Variants in STK32B observed in about 807,000 individuals in gnomAD.
STK32B encodes serine/threonine kinase 32B.
In STK32B, 43 loss-of-function variants were observed where a neutral mutation model predicts 52.6. The observed-to-expected ratio is 0.82, with a 90% CI of 0.64 to 1.05. The LOEUF is 1.05. Ranked by LOEUF, STK32B falls within the 50% of genes least tolerant of loss-of-function variation. The pLI, the probability that STK32B is intolerant of heterozygous loss-of-function variation, is 0.00. For missense variants in STK32B, 621 were observed against 534.6 expected (o/e 1.16, Z -1.59); for synonymous variants, 238 against 204.3 (o/e 1.17, Z -1.41).
At position 5,347,171 on chromosome 4, in the gene STK32B, G is replaced by C. The variant is rs74349389; in HGVS notation, c.434+15778G>C. On this transcript the variant is annotated intron_variant, in intron 4 of 11. Transcript: ENST00000282908. Reference sequence around the variant, plus strand: ...CCATAAAAAGTGTTCACCAAATGCAGCTCATTTGTCTTGGGGAGCTGGAAA... The same window carrying C: ...CCATAAAAAGTGTTCACCAAATGCACCTCATTTGTCTTGGGGAGCTGGAAA... Among the ~76,000 whole-genome samples the C allele has an allele frequency of 3.4e-3, 520 of 152,264 alleles. 3 individuals are homozygous for C. Among genetic ancestry groups the C allele is most frequent in the African/African-American group, 0.012 (490 of 41,546 alleles).
intron 7 of STK32B, among the ~76,000 whole-genome samples, chr4:5,448,220 A>G (rs1242096701): frequency 6.6e-6 from 1 of 152,246 alleles, no homozygotes; most frequent in East Asian, 1.9e-4. Context: ...CATTCTTAGA[A>G]TTCAAAGAAA....
At chr4:5,269,789 G>C (rs148730208) in intron 3 of STK32B, among the ~76,000 whole-genome samples, 153 of 151,718 alleles carry the variant, frequency 1.0e-3, no homozygotes, top group African/African-American at 3.6e-3. Context: ...GATTCTATGA[G>C]TCTAACATTA....
intron 6 of STK32B, among the ~76,000 whole-genome samples, chr4:5,437,207 C>G (rs1577495176): frequency 6.6e-6 from 1 of 152,226 alleles, no homozygotes; most frequent in Non-Finnish European, 1.5e-5. Context: ...AGTTCCTTAC[C>G]CCTTGTATTC....
At chr4:5,167,238 G>A (rs1718947999) in intron 2 of STK32B, among the ~76,000 whole-genome samples, 1 of 152,136 alleles carries the variant, frequency 6.6e-6, no homozygotes, top group Admixed American at 6.5e-5. Context: ...AGAAGTCCAG[G>A]CCTCATGGAT....
At chr4:5,102,554 G>A (rs1024795199) in intron 1 of STK32B, among the ~76,000 whole-genome samples, 1 of 128,544 alleles carries the variant, frequency 7.8e-6, no homozygotes, top group Non-Finnish European at 1.6e-5. Context: ...TCTTTTTGAT[G>A]AGTCTTGCCC....
intron 3 of STK32B, among the ~76,000 whole-genome samples, chr4:5,242,556 T>A (rs1453722867): frequency 6.6e-6 from 1 of 152,226 alleles, no homozygotes; most frequent in Non-Finnish European, 1.5e-5. Context: ...TGGTTTCTTT[T>A]GCTGTGCAGA....
At chr4:5,027,854 G>T in the STK32B span, among the ~76,000 whole-genome samples, 131 of 152,268 alleles carry the variant, frequency 8.6e-4, no homozygotes, top group Admixed American at 2.6e-3. Context: ...TTGCTCTGGA[G>T]TGTGCAAGAC....
intron 6 of STK32B, among the ~76,000 whole-genome samples, chr4:5,424,301 A>C (rs2109081773): frequency 6.6e-6 from 1 of 152,312 alleles, no homozygotes; most frequent in Non-Finnish European, 1.5e-5. Context: ...CAGGAGGCAG[A>C]CAGGCTACTA....
intron 2 of STK32B, among the ~76,000 whole-genome samples, chr4:5,142,181 G>A (rs1716519692): frequency 6.6e-6 from 1 of 152,184 alleles, no homozygotes; most frequent in African/African-American, 2.4e-5. Flanking sequence ...AGTTGAGTAA[G>A]AAGTGATCCC....
intron 3 of STK32B, among the ~76,000 whole-genome samples, chr4:5,197,168 A>C (rs989213956): frequency 6.6e-6 from 1 of 152,322 alleles, no homozygotes. Flanking sequence ...ATAGGGAGTG[A>C]TGGAGACTGT....
intron 2 of STK32B, among the ~76,000 whole-genome samples, chr4:5,161,951 C>CT (rs1380931006): frequency 6.6e-6 from 1 of 151,918 alleles, no homozygotes; most frequent in Non-Finnish European, 1.5e-5. Flanking sequence ...TTACTGAGTG[C>CT]TTCTCAAGCT....
intron 3 of STK32B, among the ~76,000 whole-genome samples, chr4:5,183,642 C>T (rs1023273697): frequency 2.2e-4 from 34 of 152,240 alleles, no homozygotes; most frequent in African/African-American, 7.0e-4. Flanking sequence ...TTATTAAGTT[C>T]GCCTCCTTAT....
intron 3 of STK32B, among the ~76,000 whole-genome samples, chr4:5,267,859 T>G (rs1727155245): frequency 6.6e-6 from 1 of 152,202 alleles, no homozygotes; most frequent in South Asian, 2.1e-4. Flanking sequence ...GTTCCTCAGC[T>G]CCACCATCTC....
chr4:5,459,283 C>CG (rs68184903), intron 8 of STK32B, among the ~76,000 whole-genome samples: 3 of 12,176 alleles, frequency 2.5e-4, no homozygotes, highest in Admixed American at 8.8e-4. Flanking sequence ...CCCTGGTGTG[C>CG]CCCCCCCCCC....
chr4:5,157,593 A>C (rs1299444301), intron 2 of STK32B, among the ~76,000 whole-genome samples: 2 of 152,196 alleles, frequency 1.3e-5, no homozygotes, highest in African/African-American at 4.8e-5. Context: ...CCAAAAGAGC[A>C]CCAGATGCAA....
chr4:5,075,080 C>A (rs551101852), intron 1 of STK32B, among the ~76,000 whole-genome samples: 2 of 152,234 alleles, frequency 1.3e-5, no homozygotes, highest in African/African-American at 4.8e-5. Context: ...CCAGGGATTT[C>A]AGGGGAGCTT....
Position 5,139,902 on chromosome 4 carries a change from C to A in STK32B, c.53-3C>A, listed in dbSNP as rs1478436301. Reference sequence around the variant, plus strand: ...TTGTTTCCTTTTTTGTTTTCTTTTGCAGTCAACTTTGACCATTTTCAGATT... The same window carrying A: ...TTGTTTCCTTTTTTGTTTTCTTTTGAAGTCAACTTTGACCATTTTCAGATT... On this transcript the variant is annotated splice_polypyrimidine_tract_variant and splice_region_variant and intron_variant, in intron 1 of 11. Transcript: ENST00000282908. 6.2e-7 allele frequency: 1 copy of A among 1,614,114 alleles called. No homozygotes were observed. Among genetic ancestry groups the A allele is most frequent in the South Asian group, 1.1e-5 (1 of 91,080 alleles).
intron 2 of STK32B, among the ~76,000 whole-genome samples, chr4:5,162,841 G>A (rs1245623442): frequency 6.6e-6 from 1 of 152,212 alleles, no homozygotes. Flanking sequence ...CCTGGATAGA[G>A]TTTGCTGTTG....
intron 3 of STK32B, among the ~76,000 whole-genome samples, chr4:5,221,180 A>G (rs1158795384): frequency 1.4e-4 from 22 of 152,130 alleles, no homozygotes; most frequent in Admixed American, 1.4e-3. Flanking sequence ...AATCTGCTCT[A>G]TAGATCCAAT....
Sources: allele counts gnomAD v4.1 joint callset (sites outside exome capture counted in the v4.1 genomes callset), GRCh38; gene constraint gnomAD v4.1.1; transcripts MANE v1.5; gene names NCBI Gene and HGNC (gene_info 2026-07-23, HGNC 2026-07-21).